Variants in TNS3 observed in about 807,000 individuals in gnomAD.
TNS3 encodes the protein tensin-3.
In TNS3, 45 loss-of-function variants were observed where a neutral mutation model predicts 140.9. The observed-to-expected ratio is 0.32, with a 90% CI of 0.25 to 0.41. The LOEUF (loss-of-function observed/expected upper bound fraction) is 0.41. TNS3 is among the 10% of genes least tolerant of loss of function. The pLI is 1.00. For missense variants in TNS3, 1,716 were observed against 1,906.7 expected (o/e 0.90, Z 1.86); for synonymous variants, 815 against 788.4 (o/e 1.03, Z -0.56).
chr7:47,426,030 AAC>A (rs371369353), intron 9 of TNS3, among the ~76,000 whole-genome samples: 387 of 152,222 alleles, frequency 2.5e-3, no homozygotes, highest in African/African-American at 8.9e-3. Flanking sequence ...ACAAAAAAAA[AAC>A]ACACACTTAG....
intron 24 of TNS3, among the ~76,000 whole-genome samples, chr7:47,294,185 C>T (rs1785874400): frequency 6.6e-6 from 1 of 152,172 alleles, no homozygotes; most frequent in Admixed American, 6.5e-5. Context: ...GCTGAATCCT[C>T]TCCCAAAGAG....
intron 8 of TNS3, among the ~76,000 whole-genome samples, chr7:47,433,065 A>T (rs1254588761): frequency 6.6e-6 from 1 of 152,076 alleles, no homozygotes; most frequent in Non-Finnish European, 1.5e-5. Flanking sequence ...TGAGGAGGAG[A>T]CTGCACACAC....
At chr7:47,358,160 C>T (rs995292998) in intron 17 of TNS3, among the ~76,000 whole-genome samples, 6 of 151,250 alleles carry the variant, frequency 4.0e-5, no homozygotes, top group South Asian at 2.1e-4. Flanking sequence ...TTTTTTTTGA[C>T]GGAGTCTCAC....
At chr7:47,386,235 C>T (rs1245817769) in intron 16 of TNS3, among the ~76,000 whole-genome samples, 1 of 152,218 alleles carries the variant, frequency 6.6e-6, no homozygotes, top group Non-Finnish European at 1.5e-5. Flanking sequence ...GTTGTACCCT[C>T]CACCTAGGCC....
intron 1 of TNS3, among the ~76,000 whole-genome samples, chr7:47,572,102 C>A (rs1283841176): frequency 1.3e-5 from 2 of 152,240 alleles, no homozygotes; most frequent in Non-Finnish European, 2.9e-5. Flanking sequence ...CACAGACAAC[C>A]AGACACCCGA....
Position 47,293,818 on chromosome 7 carries a change from C to T in TNS3, c.3687G>A (p.Leu1229=). 6.2e-7 allele frequency: 1 copy of T among 1,614,132 alleles called. No individual in the cohort carries two copies. Among genetic ancestry groups the T allele is most frequent in the Non-Finnish European group, 8.5e-7 (1 of 1,180,026 alleles). ...VLQLNKKAGD[L]ANELVRHFLI... Reference sequence around the variant, plus strand: ...AAAAGTGCCGGACGAGTTCATTGGCCAAATCTCCAGCTGTGGCAAGAAATT... The same window carrying T: ...AAAAGTGCCGGACGAGTTCATTGGCTAAATCTCCAGCTGTGGCAAGAAATT... Residue 1229 remains leucine, a synonymous_variant, in exon 25 of 31, where the codon TTG becomes TTA. Coordinates refer to ENST00000311160, the MANE Select transcript of TNS3 (RefSeq NM_022748.12).
chr7:47,493,628 C>A (rs943128894), intron 3 of TNS3, among the ~76,000 whole-genome samples: 3 of 149,256 alleles, frequency 2.0e-5, no homozygotes, highest in Non-Finnish European at 3.0e-5. Flanking sequence ...ACCATCCTGG[C>A]TAACACGCTG....
rs138890713 is a variant in TNS3, at chr7:47,281,176, T to C, written c.4098-822A>G. Among the ~76,000 whole-genome samples, 23 of 152,318 alleles carry C rather than the reference T, an allele frequency of 1.5e-4. No homozygotes were observed. The East Asian group carries it at 4.4e-3, about 29-fold the overall frequency. On this transcript the variant is annotated intron_variant, in intron 28 of 30. Coordinates refer to ENST00000311160, the MANE Select transcript of TNS3 (RefSeq NM_022748.12). ...GAACAATAAAGTGCTGTGCAAGGAATATTCCTTAAGGAAGGACTCCACATG... is the reference window on the plus strand; with the variant it reads ...GAACAATAAAGTGCTGTGCAAGGAACATTCCTTAAGGAAGGACTCCACATG...
At chr7:47,349,724 C>T (rs190599930) in intron 17 of TNS3, among the ~76,000 whole-genome samples, 35 of 152,260 alleles carry the variant, frequency 2.3e-4, no homozygotes, top group Admixed American at 5.2e-4. Context: ...AAGTTTGAAA[C>T]GCCAGGAAAA....
intron 4 of TNS3, among the ~76,000 whole-genome samples, chr7:47,475,162 G>C (rs536833353): frequency 9.2e-5 from 14 of 152,202 alleles, no homozygotes; most frequent in African/African-American, 3.4e-4. Context: ...ACAGACACAC[G>C]CATCTTGCAC....
chr7:47,292,798 A>AGAGCCTGACTAGCACTGAG, intron 26 of TNS3, 30 bp downstream of exon 26: 7 of 1,603,880 alleles, frequency 4.4e-6, no homozygotes, highest in Non-Finnish European at 6.0e-6. Context: ...CAATCTACAC[A>AGAGCCTGACTAGCACTGAG]GAGCCTGACT....
chr7:47,389,457 T>C (rs6976292), intron 16 of TNS3, among the ~76,000 whole-genome samples: 108,026 of 152,082 alleles, frequency 0.71, 38,701 homozygotes, highest in South Asian at 0.84. Context: ...AAGGCCACTC[T>C]TGTGGGCTGA....
chr7:47,453,111 G>A lies in TNS3; in HGVS notation c.-75-11056C>T, dbSNP rs1013305777. 5.1e-6 allele frequency: 5 copies of A among 985,722 alleles called. No homozygotes were observed. In the East Asian group the frequency reaches 4.5e-4, roughly 89 times the overall value. 61.1% of individuals were successfully genotyped at this position (985,722 alleles called of 1,614,324 possible). On this transcript the variant is annotated intron_variant, in intron 4 of 30. Coordinates refer to ENST00000311160, the MANE Select transcript of TNS3 (RefSeq NM_022748.12). ...ATAGCCCACCAGGTGGGAGAGCCTG[G>A]TGAGTGTGGGAGTCCCCAGAACCAC... is the stretch of plus-strand genomic sequence containing the variant.
chr7:47,286,291 T>C (rs557443419), intron 27 of TNS3, among the ~76,000 whole-genome samples: 1 of 152,306 alleles, frequency 6.6e-6, no homozygotes, highest in Non-Finnish European at 1.5e-5. Context: ...ATCTGCTGTT[T>C]GGGGAATCTC....
At chr7:47,566,672 T>C (rs1347646154) in intron 1 of TNS3, among the ~76,000 whole-genome samples, 1 of 152,142 alleles carries the variant, frequency 6.6e-6, no homozygotes, top group Non-Finnish European at 1.5e-5. Context: ...TAGGAGGCAG[T>C]ATCAAAGGTA....
chr7:47,477,071 C>G (rs865996534), intron 4 of TNS3, among the ~76,000 whole-genome samples: 8 of 152,278 alleles, frequency 5.3e-5, no homozygotes, highest in Non-Finnish European at 7.4e-5. Context: ...ACAAAGGCAC[C>G]CTATGCCTGC....
chr7:47,386,130 AT>A (rs1273575662), intron 16 of TNS3, among the ~76,000 whole-genome samples: 16 of 152,270 alleles, frequency 1.1e-4, no homozygotes, highest in Non-Finnish European at 1.9e-4. Flanking sequence ...CAAAGGGTGT[AT>A]TTTCCTTGTT....
chr7:47,497,849 TC>T (rs1466270398), intron 3 of TNS3, among the ~76,000 whole-genome samples: 10 of 152,298 alleles, frequency 6.6e-5, no homozygotes, highest in African/African-American at 2.2e-4. Context: ...CCCTGGTCTA[TC>T]TGACCCAGTC....
intron 3 of TNS3, among the ~76,000 whole-genome samples, chr7:47,484,595 G>C (rs1402998529): frequency 6.6e-6 from 1 of 152,198 alleles, no homozygotes; most frequent in Non-Finnish European, 1.5e-5. Context: ...ACAGTCAAGT[G>C]TCACTTGCTG....
Sources: allele counts gnomAD v4.1 joint callset (sites outside exome capture counted in the v4.1 genomes callset), GRCh38; gene constraint gnomAD v4.1.1; transcripts MANE v1.5; gene names NCBI Gene and HGNC (gene_info 2026-07-23, HGNC 2026-07-21).